The following ADAMTS1 variants were observed in gnomAD, a reference collection of about 807,000 sequenced individuals.
ADAMTS1 encodes the protein ADAM metallopeptidase with thrombospondin type 1 motif 1, also known as A disintegrin and metalloproteinase with thrombospondin motifs 1.
A neutral mutation model predicts 87.9 loss-of-function variants in ADAMTS1; 19 were observed. The ratio of observed to expected loss-of-function variants is 0.22; its 90% CI spans 0.15 to 0.32. The LOEUF (loss-of-function observed/expected upper bound fraction) is 0.32. Ranked by LOEUF, ADAMTS1 falls within the 10% of genes least tolerant of loss-of-function variation. The probability of loss-of-function intolerance (pLI) is 1.00; values close to 1 mark genes in which losing one functional copy is unlikely to be tolerated. For missense variants in ADAMTS1, 1,240 were observed against 1,259.1 expected (o/e 0.98, Z 0.23); for synonymous variants, 542 against 501.8 (o/e 1.08, Z -1.07).
In ADAMTS1 at chr21:26,838,162, T is replaced by A; in HGVS notation, c.2321A>T (p.Asp774Val). Residue 774 changes from aspartate to valine, a missense_variant, in exon 9 of 9, where the codon GAT becomes GTT. Asp to Val is a radical substitution (Grantham distance 152, BLOSUM62 -3). This residue lies in a region of ADAMTS1 where 402 missense variants were observed against 399.1 expected (regional missense o/e 1.01). Transcript: ENST00000284984. ...GTCACCATTAAGAATATATGTGCCA[T>A]CAGCAGCTTTGATGGCAAGAAAGCT... is the stretch of plus-strand genomic sequence containing the variant. The part of the protein sequence containing the change: ...NGSFLAIKAA[D>V]GTYILNGDYT... The A allele has an allele frequency of 1.9e-6, 3 of 1,614,136 alleles. No individual in the cohort carries two copies. The highest frequency in any genetic ancestry group is 2.5e-6 in the Non-Finnish European group (3 of 1,180,010).
chr21:26,839,542 C>A (rs2123317116), intron 7 of ADAMTS1, 45 bp downstream of exon 7: 1 of 1,473,120 alleles, frequency 6.8e-7, no homozygotes, highest in South Asian at 1.5e-5. Flanking sequence ...AGGTAGCAAG[C>A]CCAGGCCTTG....
Position 26,844,974 on chromosome 21 carries a change from G to T in ADAMTS1, c.-20C>A. The T allele has an allele frequency of 6.7e-7, 1 of 1,494,838 alleles. No homozygotes were observed. Among genetic ancestry groups the T allele is most frequent in the Non-Finnish European group, 8.9e-7 (1 of 1,125,744 alleles). The allele number at this position is 1,494,838 out of a possible 1,614,324, so 92.6% of individuals were successfully genotyped here. ...CTGCATTGGAGCCCCAGGAGACACC[G>T]CTCGTAGCAGCGCACGGAGCGAGGG... is the stretch of plus-strand genomic sequence containing the variant. On this transcript the variant is annotated 5_prime_UTR_variant, in exon 1 of 9. Coordinates refer to ENST00000284984, the MANE Select transcript of ADAMTS1 (RefSeq NM_006988.5).
In ADAMTS1 at chr21:26,841,092, G is replaced by T. The variant is rs1406872322; in HGVS notation, c.1284C>A (p.His428Gln). 1 of 1,614,212 alleles carries T rather than the reference G, an allele frequency of 6.2e-7. No individual in the cohort carries two copies. Among genetic ancestry groups the T allele is most frequent in the Admixed American group, 1.7e-5 (1 of 60,030 alleles). ...ASLNGVNQDSHMMASMLSNLD... is the reference protein window; with the variant it reads ...ASLNGVNQDSQMMASMLSNLD... ...GGTTGGAAAGCATTGACGCCATCAT[G>T]TGGGAATCCTGGTTCACACCATTAA... is the stretch of plus-strand genomic sequence containing the variant. The change falls in exon 4 of 9, where the codon CAC (histidine) becomes CAA (glutamine). Residue 428 changes from histidine (H) to glutamine (Q), a missense_variant. His to Gln is a conservative substitution (Grantham distance 24). Around this residue, in one of 3 missense-constraint regions of ADAMTS1, gnomAD observed 317 missense variants for 410.3 expected, o/e 0.77. Transcript: ENST00000284984.
rs768727405 is a variant in ADAMTS1, at chr21:26,840,404, C to T, written c.1537G>A (p.Gly513Ser). The change falls in exon 5 of 9, where the codon GGC becomes AGC. Residue 513 changes from glycine (G) to serine (S), a missense_variant. Physicochemically the swap from Gly to Ser is moderately conservative, Grantham distance 56 (BLOSUM62 0). Around this residue, in one of 3 missense-constraint regions of ADAMTS1, gnomAD observed 317 missense variants for 410.3 expected, o/e 0.77. Coordinates refer to ENST00000284984, the MANE Select transcript of ADAMTS1 (RefSeq NM_006988.5). ...CACACCAGCACCCCACCAGAGGTGC[C>T]GGTACACCACAAGGTGCTACATGTG... ...ASTCSTLWCTGTSGGVLVCQT... is the reference protein window; with the variant it reads ...ASTCSTLWCTSTSGGVLVCQT... 9.9e-6 allele frequency: 16 copies of T among 1,613,988 alleles called. No homozygotes were observed. The highest frequency in any genetic ancestry group is 2.7e-5 in the African/African-American group (2 of 74,926).
intron 3 of ADAMTS1, 174 bp downstream of exon 3, chr21:26,841,684 T>C (rs1568811246): frequency 1.4e-6 from 1 of 705,040 alleles, no homozygotes; most frequent in Non-Finnish European, 2.2e-6. Context: ...ACTATCTTAT[T>C]TTTTACTTTA....
At position 26,837,471 on chromosome 21, in the gene ADAMTS1, T is replaced by G; in HGVS notation, c.*108A>C. 1.1e-6 allele frequency: 1 copy of G among 944,646 alleles called. No individual in the cohort carries two copies. The highest frequency in any genetic ancestry group is 1.6e-6 in the Non-Finnish European group (1 of 615,356). The allele number at this position is 944,646 out of a possible 1,614,324, so 58.5% of individuals were successfully genotyped here. ...CATAATCCCACCTTACTGATACACC[T>G]CACTGGTTACTGGCAAGATACGCTG... is the stretch of plus-strand genomic sequence containing the variant. On this transcript the variant is annotated 3_prime_UTR_variant, in exon 9 of 9. Coordinates refer to ENST00000284984, the MANE Select transcript of ADAMTS1 (RefSeq NM_006988.5).
intron 6 of ADAMTS1, 45 bp downstream of exon 6, chr21:26,839,829 CT>C (rs767367549): frequency 6.9e-6 from 11 of 1,605,166 alleles, no homozygotes; most frequent in Middle Eastern, 3.3e-4. Flanking sequence ...GTGGGTACAT[CT>C]TTTTTTAATC....
chr21:26,844,413 A>C lies in ADAMTS1; in HGVS notation c.542T>G (p.Leu181Arg). The change falls in exon 1 of 9, where the codon CTA becomes CGA. Residue 181 changes from leucine (L) to arginine (R), a missense_variant. This residue lies in a region of ADAMTS1 where 521 missense variants were observed against 449.7 expected (regional missense o/e 1.16). Coordinates refer to ENST00000284984, the MANE Select transcript of ADAMTS1 (RefSeq NM_006988.5). Reference sequence around the variant, plus strand: ...ATTCCGCCGCAGGAGGTGGAACTGTAGTGGTGCCGGCGGCTTCTCCCCTGG... The same window carrying C: ...ATTCCGCCGCAGGAGGTGGAACTGTCGTGGTGCCGGCGGCTTCTCCCCTGG... ...AAPGEKPPAPLQFHLLRRNRQ... is the reference protein window; with the variant it reads ...AAPGEKPPAPRQFHLLRRNRQ... The C allele has an allele frequency of 6.3e-7, 1 of 1,591,754 alleles. No homozygotes were observed. The highest frequency in any genetic ancestry group is 8.5e-7 in the Non-Finnish European group (1 of 1,169,918).
In ADAMTS1 at chr21:26,841,119, G is replaced by T. The variant is rs1438771993; in HGVS notation, c.1257C>A (p.Ser419Arg). ...GGGAATCCTGGTTCACACCATTAAGGCTGGCACACTGCTTTGCATCATCAT... is the reference window on the plus strand; with the variant it reads ...GGGAATCCTGGTTCACACCATTAAGTCTGGCACACTGCTTTGCATCATCAT... ...MPHDDAKQCA[S>R]LNGVNQDSHM... is the part of the protein sequence containing the mutation. The change falls in exon 4 of 9, where the codon AGC becomes AGA. Residue 419 changes from serine (S) to arginine (R), a missense_variant. Physicochemically the swap from Ser to Arg is moderately radical, Grantham distance 110. Around this residue, in one of 3 missense-constraint regions of ADAMTS1, gnomAD observed 317 missense variants for 410.3 expected, o/e 0.77. Transcript: ENST00000284984. The T allele has an allele frequency of 6.2e-7, 1 of 1,614,026 alleles. No individual in the cohort carries two copies. The highest frequency in any genetic ancestry group is 2.2e-5 in the East Asian group (1 of 44,880).
chr21:26,842,743 C>A, intron 1 of ADAMTS1, 58 bp from the exon 2 acceptor site: 1 of 1,452,912 alleles, frequency 6.9e-7, no homozygotes. Context: ...AGTTACCTTC[C>A]TAGCATATAT....
chr21:26,838,048 C>T lies in ADAMTS1; in HGVS notation c.2435G>A (p.Arg812His), dbSNP rs747684126. The change falls in exon 9 of 9, where the codon CGC becomes CAC. Residue 812 changes from arginine (R) to histidine (H), a missense_variant. Arg to His is a conservative substitution (Grantham distance 29). Around this residue, in one of 3 missense-constraint regions of ADAMTS1, gnomAD observed 402 missense variants for 399.1 expected, o/e 1.01. Transcript: ENST00000284984. ...GGGCTCTTTGAGAGGGCTAAAGCTGCGAATTCTTTCCAATGCCGCAGAGGA... is the reference window on the plus strand; with the variant it reads ...GGGCTCTTTGAGAGGGCTAAAGCTGTGAATTCTTTCCAATGCCGCAGAGGA... ...SGSSAALERI[R>H]SFSPLKEPLT... is the part of the protein sequence containing the mutation. 9.9e-6 allele frequency: 16 copies of T among 1,614,022 alleles called. No individual in the cohort carries two copies. Among genetic ancestry groups the T allele is most frequent in the Admixed American group, 5.0e-5 (3 of 60,004 alleles).
Position 26,839,738 on chromosome 21 carries a change from C to G in ADAMTS1, c.1877G>C (p.Cys626Ser). The part of the protein sequence containing the change: ...NNGKTFREEQ[C>S]EAHNEFSKAS... Reference sequence around the variant, plus strand: ...TTTTGAAAACTCGTTGTGTGCTTCACATTGTTCCTCTCTAAAGGTTTTTCC... The same window carrying G: ...TTTTGAAAACTCGTTGTGTGCTTCAGATTGTTCCTCTCTAAAGGTTTTTCC... Residue 626 changes from cysteine (C) to serine (S), a missense_variant, in exon 7 of 9, where the codon TGT becomes TCT. Coordinates refer to ENST00000284984, the MANE Select transcript of ADAMTS1 (RefSeq NM_006988.5). 6.2e-7 allele frequency: 1 copy of G among 1,611,760 alleles called. No individual in the cohort carries two copies. The highest frequency in any genetic ancestry group is 8.5e-7 in the Non-Finnish European group (1 of 1,178,212).
At position 26,837,690 on chromosome 21, in the gene ADAMTS1, T is replaced by C; in HGVS notation, c.2793A>G (p.Arg931=). ...SKTCGKGYKK[R]SLKCLSHDGG... is the part of the protein sequence containing the mutation. ...CATCATGGGACAGACACTTCAAGCTTCTTTTTTTGTAACCCTTCCCACAGG... is the reference window on the plus strand; with the variant it reads ...CATCATGGGACAGACACTTCAAGCTCCTTTTTTTGTAACCCTTCCCACAGG... Residue 931 remains arginine, a synonymous_variant, in exon 9 of 9, where the codon AGA becomes AGG. Transcript: ENST00000284984. 1 of 1,614,182 alleles carries C rather than the reference T, an allele frequency of 6.2e-7. No individual in the cohort carries two copies.
rs747539248 is a variant in ADAMTS1, at chr21:26,844,997, G to A, written c.-43C>T. ...CCGCTCGTAGCAGCGCACGGAGCGA[G>A]GGACCTTTAGTTCGGGTCGGGAGAG... On this transcript the variant is annotated 5_prime_UTR_variant, in exon 1 of 9. Transcript: ENST00000284984. The A allele has an allele frequency of 4.7e-6, 7 of 1,489,158 alleles. No homozygotes were observed. The highest frequency in any genetic ancestry group is 6.2e-6 in the Non-Finnish European group (7 of 1,124,000). The allele number at this position is 1,489,158 out of a possible 1,614,324, so 92.2% of individuals were successfully genotyped here.
rs1190578602 is a variant in ADAMTS1, at chr21:26,840,549, C to A, written c.1392G>T (p.Met464Ile). Reference sequence around the variant, plus strand: ...GCTGTATGGGATTCTGAGGCTTGTCCATCAAACATTCCCCTGCAAAGGAAA... The same window carrying A: ...GCTGTATGGGATTCTGAGGCTTGTCAATCAAACATTCCCCTGCAAAGGAAA... ...FLDNGHGECLMDKPQNPIQLP... is the reference protein window; with the variant it reads ...FLDNGHGECLIDKPQNPIQLP... The change falls in exon 5 of 9, where the codon ATG becomes ATT. Residue 464 changes from methionine (M) to isoleucine (I), a missense_variant. Physicochemically the swap from Met to Ile is conservative, Grantham distance 10. Transcript: ENST00000284984. 1 of 1,613,666 alleles carries A rather than the reference C, an allele frequency of 6.2e-7. No individual in the cohort carries two copies. Among genetic ancestry groups the A allele is most frequent in the Admixed American group, 1.7e-5 (1 of 60,014 alleles).
rs1291954987 is a variant in ADAMTS1, at chr21:26,838,627, C to A, written c.2029-13G>T. 2 of 1,611,912 alleles carry A rather than the reference C, an allele frequency of 1.2e-6. No homozygotes were observed. The highest frequency in any genetic ancestry group is 3.3e-5 in the Admixed American group (2 of 59,864). On this transcript the variant is annotated splice_polypyrimidine_tract_variant and intron_variant, in intron 7 of 8. Transcript: ENST00000284984. The stretch of plus-strand genomic sequence containing the variant: ...TACCATCTACAACCTGAAAAAAGGA[C>A]ACATGTCTAGTGTTACATACAAGCA...
At position 26,838,703 on chromosome 21, in the gene ADAMTS1, C is replaced by T. The variant is rs890902896; in HGVS notation, c.2029-89G>A. The stretch of plus-strand genomic sequence containing the variant: ...GTGTAAACATTTTCTCTCTACTTTC[C>T]TGACCATGCTAATTAAACACAGTAC... On this transcript the variant is annotated intron_variant, in intron 7 of 8. Transcript: ENST00000284984. 56 of 1,308,654 alleles carry T rather than the reference C, an allele frequency of 4.3e-5. No homozygotes were observed. The South Asian group carries it at 7.5e-4, about 18-fold the overall frequency. The allele number at this position is 1,308,654 out of a possible 1,614,324, so 81.1% of individuals were successfully genotyped here.
At position 26,845,071 on chromosome 21, in the gene ADAMTS1, T is replaced by C. The variant is rs1403546267; in HGVS notation, c.-117A>G. On this transcript the variant is annotated 5_prime_UTR_variant, in exon 1 of 9. It adds an upstream start codon to the 5' untranslated region. Coordinates refer to ENST00000284984, the MANE Select transcript of ADAMTS1 (RefSeq NM_006988.5). ...GATTGTTAAAATTAACAATTTCTAT[T>C]ATTCGTTGGAAGGGCGCGCAGAGCC... 1 of 1,275,332 alleles carries C rather than the reference T, an allele frequency of 7.8e-7. No individual in the cohort carries two copies. The highest frequency in any genetic ancestry group is 1.0e-6 in the Non-Finnish European group (1 of 1,002,418). The allele number at this position is 1,275,332 out of a possible 1,614,324, so 79.0% of individuals were successfully genotyped here.
At chr21:26,841,783 G>A (rs776855857) in intron 3 of ADAMTS1, 75 bp downstream of exon 3, 510 of 1,507,862 alleles carry the variant, frequency 3.4e-4, no homozygotes, top group Non-Finnish European at 4.4e-4. Flanking sequence ...ATAACCTACA[G>A]ACTCTCCTTC....
Sources: gnomAD v4.1 joint callset for allele counts on GRCh38, gnomAD v4.1.1 for gene constraint, gnomAD v4.1.1 regional missense constraint, MANE v1.5 for transcripts, NCBI Gene and HGNC (gene_info 2026-07-23, HGNC 2026-07-21) for gene names.